ZNF236: variants seen among roughly 807,000 people sequenced by gnomAD.
ZNF236 encodes the protein zinc finger protein 236.
Under a neutral mutation model 191.2 loss-of-function variants are expected in ZNF236, and 50 were observed. The ratio of observed to expected loss-of-function variants is 0.26; its 90% CI spans 0.21 to 0.33. The LOEUF (loss-of-function observed/expected upper bound fraction) is 0.33. ZNF236 is among the 10% of genes least tolerant of loss of function. The pLI, the probability that ZNF236 is intolerant of heterozygous loss-of-function variation, is 1.00. For synonymous variants in ZNF236, 907 were observed against 928.8 expected, an observed-to-expected ratio of 0.98 and a Z score of 0.43; for missense variants, 1,754 against 2,374.5, an observed-to-expected ratio of 0.74 and a Z score of 5.43.
At chr18:76,849,157 G>A (rs911164050) in intron 1 of ZNF236, 52 of 162,938 alleles carry the variant, frequency 3.2e-4, no homozygotes, top group African/African-American at 1.1e-3. Flanking sequence ...GGTGAAATGC[G>A]TCAGTGGTTT....
chr18:76,857,416 G>A (rs941289619), intron 3 of ZNF236, among the ~76,000 whole-genome samples: 5 of 152,284 alleles, frequency 3.3e-5, no homozygotes, highest in South Asian at 2.1e-4. Flanking sequence ...CCGTGGTTTT[G>A]TGAAGTCAGC....
At chr18:76,856,650 T>C (rs1156834967) in intron 3 of ZNF236, among the ~76,000 whole-genome samples, 2 of 152,208 alleles carry the variant, frequency 1.3e-5, no homozygotes, top group Non-Finnish European at 2.9e-5. Context: ...TTAAGTAATT[T>C]TTTTTTGCAA....
chr18:76,874,261 A>G (rs968533516), intron 5 of ZNF236, among the ~76,000 whole-genome samples: 12 of 152,144 alleles, frequency 7.9e-5, no homozygotes, highest in African/African-American at 2.7e-4. Context: ...TATCTCATTC[A>G]CTTATTTAAC....
intron 1 of ZNF236, among the ~76,000 whole-genome samples, chr18:76,827,872 C>T (rs1975060496): frequency 6.6e-6 from 1 of 152,142 alleles, no homozygotes; most frequent in African/African-American, 2.4e-5. Context: ...TTGAGGGAAA[C>T]CACATTTTGG....
At chr18:76,903,682 G>A (rs1370897098) in intron 11 of ZNF236, among the ~76,000 whole-genome samples, 5 of 151,982 alleles carry the variant, frequency 3.3e-5, no homozygotes, top group Admixed American at 6.6e-5. Flanking sequence ...TAAGGAATTC[G>A]AAAGTTTACC....
chr18:76,833,013 A>G (rs911726248), intron 1 of ZNF236, among the ~76,000 whole-genome samples: 8 of 152,128 alleles, frequency 5.3e-5, no homozygotes, highest in South Asian at 2.1e-4. Flanking sequence ...TTCATTTTCT[A>G]TATGTTGCTT....
intron 30 of ZNF236, among the ~76,000 whole-genome samples, chr18:76,962,815 G>GT (rs1968695816): frequency 6.6e-6 from 1 of 151,542 alleles, no homozygotes; most frequent in African/African-American, 2.4e-5. Flanking sequence ...TTGTTTGTTT[G>GT]TTTTTGTTTT....
intron 11 of ZNF236, among the ~76,000 whole-genome samples, chr18:76,900,781 A>G (rs1010321396): frequency 3.3e-5 from 5 of 152,342 alleles, no homozygotes; most frequent in African/African-American, 1.2e-4. Context: ...AATTAAAAGA[A>G]AGTAGCAGAA....
At chr18:76,836,793 A>G (rs1293848904) in intron 1 of ZNF236, among the ~76,000 whole-genome samples, 2 of 151,500 alleles carry the variant, frequency 1.3e-5, no homozygotes, top group East Asian at 2.0e-4. Context: ...TAGCCAGGAT[A>G]GTCTCGATCT....
At position 76,947,622 on chromosome 18, in the gene ZNF236, G is replaced by A. The variant is rs761102023; in HGVS notation, c.4884G>A (p.Ala1628=). 1.2e-5 allele frequency: 20 copies of A among 1,613,724 alleles called. No individual in the cohort carries two copies. The highest frequency in any genetic ancestry group is 1.7e-5 in the Admixed American group (1 of 59,982). The change falls in exon 27 of 31, where the codon GCG becomes GCA. Residue 1628 remains alanine (A), a synonymous_variant. Transcript: ENST00000320610. The stretch of plus-strand genomic sequence containing the variant: ...TAGTGAGCCACACGCCACAGTCAGC[G>A]TCTGCTGCTTGTGAAGAAATAGCCT... The part of the protein sequence containing the change: ...VILVSHTPQS[A]SAACEEIAYQ...
intron 1 of ZNF236, among the ~76,000 whole-genome samples, chr18:76,839,512 A>C (rs1334509315): frequency 6.6e-6 from 1 of 152,222 alleles, no homozygotes; most frequent in African/African-American, 2.4e-5. Context: ...GGTAGGACAG[A>C]AATCATTATC....
chr18:76,877,924 G>A (rs188810597), intron 6 of ZNF236, 85 bp from the exon 7 acceptor site: 21 of 1,084,638 alleles, frequency 1.9e-5, no homozygotes, highest in Non-Finnish European at 5.1e-6. Context: ...TGAATGGAAT[G>A]GTAAATTATG....
chr18:76,893,969 A>G (rs1051937992), intron 9 of ZNF236, among the ~76,000 whole-genome samples: 1 of 152,242 alleles, frequency 6.6e-6, no homozygotes, highest in Non-Finnish European at 1.5e-5. Flanking sequence ...TAAGAAAACT[A>G]TGTTGGTACA....
intron 27 of ZNF236, among the ~76,000 whole-genome samples, chr18:76,953,768 A>G (rs1264508606): frequency 6.6e-6 from 1 of 152,190 alleles, no homozygotes. Context: ...ACCTTGTTTC[A>G]GTTCAGCAAA....
chr18:76,854,067 G>A (rs189893882), intron 3 of ZNF236, among the ~76,000 whole-genome samples: 2,396 of 151,594 alleles, frequency 0.016, 28 homozygotes, highest in Middle Eastern at 0.021. Context: ...TAGATTTTAA[G>A]TGTTCTCTCC....
At position 76,915,644 on chromosome 18, in the gene ZNF236, C is replaced by T. The variant is rs371115313; in HGVS notation, c.3062-3C>T. On this transcript the variant is annotated splice_region_variant and splice_polypyrimidine_tract_variant and intron_variant, in intron 18 of 30. Transcript: ENST00000320610. ...GCCGTTTTTTCTGTTTCTGTGCTTG[C>T]AGGAGTGAAGGCGTTCAGCTGCAGT... 9.9e-6 allele frequency: 16 copies of T among 1,613,260 alleles called. No individual in the cohort carries two copies. The African/African-American group carries it at 1.7e-4, about 18-fold the overall frequency.
In ZNF236 at chr18:76,881,500, C is replaced by T. The variant is rs1976899236; in HGVS notation, c.1405C>T (p.Pro469Ser). The T allele has an allele frequency of 1.9e-6, 3 of 1,609,638 alleles. No homozygotes were observed. The highest frequency in any genetic ancestry group is 2.5e-6 in the Non-Finnish European group (3 of 1,178,926). Residue 469 changes from proline to serine, a missense_variant, in exon 9 of 31, where the codon CCG becomes TCG. By Grantham distance (74) the Pro-to-Ser change is moderately conservative (BLOSUM62 -1). Around this residue, in one of 5 missense-constraint regions of ZNF236, gnomAD observed 126 missense variants for 110.9 expected, o/e 1.14. Transcript: ENST00000320610. ...AAAAAAAATGATAAAGAAGAAGTCA[C>T]CGTTTCTACCTGGTAATTTTCCTAA... is the stretch of plus-strand genomic sequence containing the variant. ...KEKKMIKKKS[P>S]FLPGSIREEN...
intron 11 of ZNF236, among the ~76,000 whole-genome samples, chr18:76,903,712 C>G (rs12962689): frequency 0.24 from 35,701 of 151,736 alleles, 5,270 homozygotes; most frequent in East Asian, 0.33. Context: ...GTCCTGAATT[C>G]CTGAAATAAT....
In ZNF236 at chr18:76,909,381, T is replaced by C. The variant is rs190015782; in HGVS notation, c.2552-687T>C. Among the ~76,000 whole-genome samples the C allele has an allele frequency of 3.3e-4, 50 of 152,220 alleles. 2 individuals are homozygous for C. The highest frequency in any genetic ancestry group is 3.1e-3 in the East Asian group (16 of 5,188). ...TGCAGTGCATACTATTTTGTGACCTTTTATCCCCGGTATATTGAGAACATC... is the reference window on the plus strand; with the variant it reads ...TGCAGTGCATACTATTTTGTGACCTCTTATCCCCGGTATATTGAGAACATC... On this transcript the variant is annotated intron_variant, in intron 14 of 30. Transcript: ENST00000320610.
Sources: allele counts gnomAD v4.1 joint callset (sites outside exome capture counted in the v4.1 genomes callset), GRCh38; gene constraint gnomAD v4.1.1; regional missense constraint gnomAD v4.1.1; transcripts MANE v1.5; gene names NCBI Gene and HGNC (gene_info 2026-07-23, HGNC 2026-07-21).